The following TYR variants were observed in gnomAD, a reference collection of about 807,000 sequenced individuals.
TYR encodes the protein tyrosinase.
In TYR, 58 loss-of-function variants were observed where a neutral mutation model predicts 51.5. The ratio of observed to expected loss-of-function variants is 1.13; its 90% confidence interval spans 0.91 to 1.40. The LOEUF (loss-of-function observed/expected upper bound fraction) is 1.40, where lower values mean the gene tolerates loss of function less well. Ranked by LOEUF, TYR falls within the 40% of genes most tolerant of loss-of-function variation. The pLI is 0.00. For synonymous variants in TYR, 263 were observed against 235.2 expected (o/e 1.12, Z -1.08); for missense variants, 732 against 647.4 (o/e 1.13, Z -1.42).
intron 4 of TYR, chr11:89,294,307 T>C (rs1944881915): frequency 6.5e-6 from 1 of 152,820 alleles, no homozygotes; most frequent in Admixed American, 6.5e-5. Context: ...TTTCAGGCTT[T>C]TGGGGTTTTT....
chr11:89,286,706 C>G (rs1440100868), intron 4 of TYR, among the ~76,000 whole-genome samples: 1 of 151,696 alleles, frequency 6.6e-6, no homozygotes, highest in Non-Finnish European at 1.5e-5. Context: ...AGCCAATGCA[C>G]AAAATGCTAA....
chr11:89,242,189 T>C (rs1229522273), intron 3 of TYR, among the ~76,000 whole-genome samples: 1 of 152,000 alleles, frequency 6.6e-6, no homozygotes, highest in Non-Finnish European at 1.5e-5. Context: ...ATTAACTTTG[T>C]TTTTTGGGTT....
chr11:89,179,810 T>C (rs551283137), intron 1 of TYR, among the ~76,000 whole-genome samples: 79 of 152,338 alleles, frequency 5.2e-4, no homozygotes, highest in African/African-American at 1.8e-3. Flanking sequence ...GGGCAAATGG[T>C]AACCAAAGAA....
At chr11:89,196,472 T>A (rs992761911) in intron 2 of TYR, among the ~76,000 whole-genome samples, 8 of 152,150 alleles carry the variant, frequency 5.3e-5, no homozygotes, top group Non-Finnish European at 1.0e-4. Flanking sequence ...ATGGTGTGTT[T>A]CCAATTCTGA....
At chr11:89,211,601 C>T (rs1189373458) in intron 2 of TYR, among the ~76,000 whole-genome samples, 2 of 152,244 alleles carry the variant, frequency 1.3e-5, no homozygotes, top group South Asian at 4.1e-4. Flanking sequence ...ACCAAATGGA[C>T]CTAATAGACA....
chr11:89,200,603 T>C (rs936345855), intron 2 of TYR: 1 of 151,830 alleles, frequency 6.6e-6, no homozygotes, highest in Non-Finnish European at 1.5e-5. Flanking sequence ...TATTAATTTA[T>C]TTAAAAAATT....
intron 3 of TYR, among the ~76,000 whole-genome samples, chr11:89,277,005 T>C (rs1052410954): frequency 2.0e-5 from 3 of 151,802 alleles, no homozygotes; most frequent in African/African-American, 7.2e-5. Flanking sequence ...CAATCATTTA[T>C]ATTGTCTCAT....
rs558179461 is a variant in TYR at position 89,215,891 on chromosome 11, TTCTA to T, written c.1037-11928_1037-11925del. On this transcript the variant is annotated intron_variant, in intron 2 of 4. Coordinates refer to ENST00000263321, the MANE Select transcript of TYR (RefSeq NM_000372.5). Reference sequence around the variant, plus strand: ...TTATAAGGTGAAGATAATATTTCTGTTCTATCTGTTTATGTAATTATCAACTAAG... The same window carrying T: ...TTATAAGGTGAAGATAATATTTCTGTTCTGTTTATGTAATTATCAACTAAG... Among the ~76,000 whole-genome samples the T allele has an allele frequency of 2.4e-4, 36 of 152,332 alleles. No individual in the cohort carries two copies. The South Asian group carries it at 3.3e-3, about 14-fold the overall frequency.
At chr11:89,211,949 C>A (rs192734673) in intron 2 of TYR, among the ~76,000 whole-genome samples, 49 of 152,172 alleles carry the variant, frequency 3.2e-4, no homozygotes, top group African/African-American at 1.2e-3. Flanking sequence ...TTTAAAGCAG[C>A]GTGTCGGGAG....
chr11:89,290,254 A>G (rs761386199), intron 4 of TYR, among the ~76,000 whole-genome samples: 6 of 152,088 alleles, frequency 3.9e-5, no homozygotes, highest in Non-Finnish European at 8.8e-5. Flanking sequence ...GCTTACAAAG[A>G]AAGTCTGAAT....
chr11:89,237,297 G>A (rs183970645), intron 3 of TYR, among the ~76,000 whole-genome samples: 18 of 152,152 alleles, frequency 1.2e-4, no homozygotes, highest in East Asian at 3.9e-4. Flanking sequence ...GTCATGGAGC[G>A]TTCCCCCCAT....
In TYR at chr11:89,284,944, A is replaced by G. The variant is rs1944765598; in HGVS notation, c.1356A>G (p.Leu452=). 9.3e-6 allele frequency: 15 copies of G among 1,611,164 alleles called. No individual in the cohort carries two copies. In the South Asian group the frequency reaches 1.3e-4, roughly 14 times the overall value. ...ATCTGGGCTATGACTATAGCTATCT[A>G]CAAGATTCAGGTAAAGTTTACTTTC... ...SKDLGYDYSY[L]QDSDPDSFQD... is the part of the protein sequence containing the mutation. Residue 452 remains leucine, a synonymous_variant, in exon 4 of 5, where the codon CTA becomes CTG. Transcript: ENST00000263321.
chr11:89,184,762 A>G (rs1228954683), intron 1 of TYR, among the ~76,000 whole-genome samples: 2 of 152,198 alleles, frequency 1.3e-5, no homozygotes, highest in Non-Finnish European at 2.9e-5. Context: ...ATTGCCAGTA[A>G]GAAAATTAGC....
chr11:89,287,422 T>A (rs9919559), intron 4 of TYR, among the ~76,000 whole-genome samples: 1 of 151,678 alleles, frequency 6.6e-6, no homozygotes, highest in African/African-American at 2.4e-5. Context: ...ATTCTTTACA[T>A]ACACATTTAT....
At chr11:89,276,813 T>A (rs1173628501) in intron 3 of TYR, among the ~76,000 whole-genome samples, 1 of 151,800 alleles carries the variant, frequency 6.6e-6, no homozygotes, top group East Asian at 1.9e-4. Flanking sequence ...TGTCATCCTG[T>A]GTAAACACAC....
chr11:89,210,643 G>C (rs1333647086), intron 2 of TYR, among the ~76,000 whole-genome samples: 2 of 152,090 alleles, frequency 1.3e-5, no homozygotes, highest in Non-Finnish European at 2.9e-5. Flanking sequence ...CTCGAGAAGA[G>C]CAACCCCAAG....
intron 2 of TYR, chr11:89,200,647 T>G (rs1046285612): frequency 6.6e-6 from 1 of 152,072 alleles, no homozygotes; most frequent in Non-Finnish European, 1.5e-5. Flanking sequence ...TAATATAATT[T>G]TAATATTTCA....
At chr11:89,216,561 G>C (rs7117255) in intron 2 of TYR, among the ~76,000 whole-genome samples, 25,460 of 147,646 alleles carry the variant, frequency 0.17, 2,601 homozygotes, top group African/African-American at 0.29. Flanking sequence ...GCTGAGGCTG[G>C]AGAATCGCTT....
intron 3 of TYR, among the ~76,000 whole-genome samples, chr11:89,272,242 A>AT (rs1944596812): frequency 6.6e-6 from 1 of 151,946 alleles, no homozygotes; most frequent in South Asian, 2.1e-4. Context: ...TTCTTAAATA[A>AT]TAACAATTGA....
Sources: gnomAD v4.1 joint callset for allele counts (sites outside exome capture counted in the v4.1 genomes callset) on GRCh38, gnomAD v4.1.1 for gene constraint, MANE v1.5 for transcripts, NCBI Gene and HGNC (gene_info 2026-07-23, HGNC 2026-07-21) for gene names.